Variants in ATP8A2 observed in about 807,000 individuals in gnomAD.
The protein encoded by ATP8A2 is ATPase phospholipid transporting 8A2.
Under a neutral mutation model 165.6 loss-of-function variants are expected in ATP8A2, and 100 were observed. The observed-to-expected ratio is 0.60, with a 90% CI of 0.51 to 0.71. The LOEUF (loss-of-function observed/expected upper bound fraction) is 0.71, where lower values mean the gene tolerates loss of function less well. Among genes scored for constraint, ATP8A2 ranks in the 30% least tolerant of loss-of-function variants. ATP8A2 has a pLI of 0.00. For missense variants in ATP8A2, 1,227 were observed against 1,479.5 expected (o/e 0.83, Z 2.80); for synonymous variants, 543 against 548.8 (o/e 0.99, Z 0.15).
chr13:25,631,822 G>A (rs537061071), intron 24 of ATP8A2, among the ~76,000 whole-genome samples: 39 of 152,180 alleles, frequency 2.6e-4, no homozygotes, highest in African/African-American at 7.9e-4. Flanking sequence ...AGTGTTTTGC[G>A]TACTCTCACT....
chr13:25,383,952 C>G (rs1047837618), intron 1 of ATP8A2, among the ~76,000 whole-genome samples: 1 of 152,146 alleles, frequency 6.6e-6, no homozygotes, highest in Non-Finnish European at 1.5e-5. Context: ...CTCAGCTGTG[C>G]TTCCTTGGGT....
chr13:25,858,702 A>G (rs1339806706), intron 30 of ATP8A2, among the ~76,000 whole-genome samples: 3 of 152,334 alleles, frequency 2.0e-5, no homozygotes, highest in African/African-American at 7.2e-5. Context: ...TATAGCAGCT[A>G]CTGGTTGGAA....
intron 24 of ATP8A2, among the ~76,000 whole-genome samples, chr13:25,666,465 C>G (rs2042157154): frequency 6.6e-6 from 1 of 152,078 alleles, no homozygotes. Flanking sequence ...GTCTTAAACT[C>G]CTGACCTCAG....
At chr13:25,493,968 G>C (rs993804167) in intron 2 of ATP8A2, among the ~76,000 whole-genome samples, 1 of 152,086 alleles carries the variant, frequency 6.6e-6, no homozygotes. Context: ...TTTGGGAGTC[G>C]GTTTGTGTGT....
chr13:25,760,791 A>C (rs1267729449), intron 25 of ATP8A2, among the ~76,000 whole-genome samples: 1 of 152,176 alleles, frequency 6.6e-6, no homozygotes, highest in Non-Finnish European at 1.5e-5. Flanking sequence ...TGGAGTGTGA[A>C]GAAGAGCTCA....
chr13:26,002,433 G>A (rs1956646277), intron 35 of ATP8A2, among the ~76,000 whole-genome samples: 1 of 151,684 alleles, frequency 6.6e-6, no homozygotes, highest in Non-Finnish European at 1.5e-5. Flanking sequence ...GGGGATGGGG[G>A]AGGGATAGCA....
At chr13:25,419,462 G>T (rs2034233902) in intron 1 of ATP8A2, among the ~76,000 whole-genome samples, 1 of 152,012 alleles carries the variant, frequency 6.6e-6, no homozygotes. Context: ...CAGGAGTGAA[G>T]ACCCAAAGAA....
chr13:25,985,036 TA>T (rs1211867257), intron 35 of ATP8A2, among the ~76,000 whole-genome samples: 1 of 152,218 alleles, frequency 6.6e-6, no homozygotes, highest in Admixed American at 6.5e-5. Context: ...ACAACCGCCT[TA>T]CACGTAAGAA....
At chr13:25,628,637 C>G (rs1183644043) in intron 24 of ATP8A2, among the ~76,000 whole-genome samples, 1 of 152,018 alleles carries the variant, frequency 6.6e-6, no homozygotes, top group East Asian at 1.9e-4. Context: ...AAGGTTTCTG[C>G]AGGATCAGTC....
intron 24 of ATP8A2, among the ~76,000 whole-genome samples, chr13:25,651,101 A>T (rs1237769025): frequency 6.6e-6 from 1 of 152,094 alleles, no homozygotes; most frequent in Non-Finnish European, 1.5e-5. Flanking sequence ...CTCACTTGAA[A>T]TTTTCTTTGT....
chr13:25,469,212 G>C (rs1332544142), intron 2 of ATP8A2, 91 bp downstream of exon 2: 1 of 1,483,670 alleles, frequency 6.7e-7, no homozygotes, highest in Admixed American at 2.0e-5. Context: ...CCGCGCACCT[G>C]GCCGGCCCCC....
chr13:25,729,719 G>GA lies in ATP8A2; in HGVS notation c.2384+30384dup, dbSNP rs941214303. Reference sequence around the variant, plus strand: ...CTTTTTAAGATGACTTTGTTAAACTGAAAAAAAAAAGCTGAAATGTTGATC... The same window carrying GA: ...CTTTTTAAGATGACTTTGTTAAACTGAAAAAAAAAAAGCTGAAATGTTGATC... On this transcript the variant is annotated intron_variant, in intron 25 of 36. Coordinates refer to ENST00000381655, the MANE Select transcript of ATP8A2 (RefSeq NM_016529.6). 1.9e-3 allele frequency among the ~76,000 whole-genome samples: 275 copies of GA among 147,054 alleles called. 1 individual carries two copies. The highest frequency in any genetic ancestry group is 5.7e-3 in the African/African-American group (229 of 40,152).
chr13:25,849,792 G>A (rs1394461481), intron 30 of ATP8A2, among the ~76,000 whole-genome samples: 1 of 152,174 alleles, frequency 6.6e-6, no homozygotes, highest in African/African-American at 2.4e-5. Context: ...GCTGCCTTGG[G>A]TCAGGGGATC....
At chr13:25,731,680 G>A (rs1387882275) in intron 25 of ATP8A2, among the ~76,000 whole-genome samples, 1 of 152,114 alleles carries the variant, frequency 6.6e-6, no homozygotes, top group Non-Finnish European at 1.5e-5. Context: ...ACAGAATGTG[G>A]AATATAACAC....
intron 24 of ATP8A2, among the ~76,000 whole-genome samples, chr13:25,593,620 G>T (rs1410483094): frequency 6.6e-6 from 1 of 152,124 alleles, no homozygotes; most frequent in Admixed American, 6.5e-5. Context: ...CGTAAGGATT[G>T]CCACTGGCAT....
At chr13:25,616,129 A>C (rs1165099096) in intron 24 of ATP8A2, among the ~76,000 whole-genome samples, 1 of 151,954 alleles carries the variant, frequency 6.6e-6, no homozygotes, top group Admixed American at 6.6e-5. Context: ...CAAATAATTA[A>C]CATTCATTTA....
chr13:25,618,286 G>A (rs554831375), intron 24 of ATP8A2, among the ~76,000 whole-genome samples: 2 of 152,248 alleles, frequency 1.3e-5, no homozygotes, highest in South Asian at 2.1e-4. Context: ...TTATAAACAC[G>A]AGGGAGGGTC....
chr13:25,612,265 C>A (rs1372249618), intron 24 of ATP8A2, among the ~76,000 whole-genome samples: 1 of 152,058 alleles, frequency 6.6e-6, no homozygotes, highest in African/African-American at 2.4e-5. Context: ...TTGATGTAGG[C>A]ATTTAATGCT....
chr13:25,832,068 T>C (rs1237662464), intron 28 of ATP8A2, among the ~76,000 whole-genome samples: 2 of 151,678 alleles, frequency 1.3e-5, no homozygotes, highest in African/African-American at 4.8e-5. Context: ...GCCTCCCGAG[T>C]AGCCAGGATT....
Sources: allele counts gnomAD v4.1 joint callset (sites outside exome capture counted in the v4.1 genomes callset), GRCh38; gene constraint gnomAD v4.1.1; transcripts MANE v1.5; gene names NCBI Gene and HGNC (gene_info 2026-07-23, HGNC 2026-07-21).